The following CEP85L variants were observed in gnomAD, a reference collection of about 807,000 sequenced individuals.
CEP85L encodes centrosomal protein 85L.
In CEP85L, 60 loss-of-function variants were observed where a neutral mutation model predicts 100.3. The observed-to-expected ratio is 0.60, with a 90% CI of 0.49 to 0.74. The LOEUF is 0.74. CEP85L is among the 30% of genes least tolerant of loss of function. CEP85L has a pLI of 0.00. For synonymous variants in CEP85L, 319 were observed against 322.7 expected, an observed-to-expected ratio of 0.99 and a Z score of 0.12; for missense variants, 973 against 936.2, an observed-to-expected ratio of 1.04 and a Z score of -0.51.
At position 118,465,280 on chromosome 6, in the gene CEP85L, C is replaced by T; in HGVS notation, c.*125G>A. Reference sequence around the variant, plus strand: ...TCTTCACTTCCCTTCTCCCCTTCAACAAAACAAATCCACAGAAAAAAAATC... The same window carrying T: ...TCTTCACTTCCCTTCTCCCCTTCAATAAAACAAATCCACAGAAAAAAAATC... On this transcript the variant is annotated 3_prime_UTR_variant, in exon 13 of 13. Transcript: ENST00000368491. 1 of 843,948 alleles carries T rather than the reference C, an allele frequency of 1.2e-6. No individual in the cohort carries two copies. Among genetic ancestry groups the T allele is most frequent in the South Asian group, 2.5e-5 (1 of 40,710 alleles). The allele number at this position is 843,948 out of a possible 1,614,324, so 52.3% of individuals were successfully genotyped here.
At chr6:118,491,623 G>C in intron 6 of CEP85L, 63 bp downstream of exon 6, 1 of 1,560,266 alleles carries the variant, frequency 6.4e-7, no homozygotes, top group African/African-American at 1.4e-5. Context: ...GTAAATGACA[G>C]ACAAATAATT....
intron 5 of CEP85L, among the ~76,000 whole-genome samples, chr6:118,494,445 C>T (rs1264226004): frequency 1.3e-5 from 2 of 152,136 alleles, no homozygotes; most frequent in African/African-American, 2.4e-5. Flanking sequence ...CAGAGCTTAA[C>T]GTAGTTGGGG....
At chr6:118,607,285 G>C (rs1029985193) in intron 2 of CEP85L, among the ~76,000 whole-genome samples, 1 of 152,170 alleles carries the variant, frequency 6.6e-6, no homozygotes, top group African/African-American at 2.4e-5. Flanking sequence ...GAAAGGAAAA[G>C]TAGAGAAGGA....
intron 2 of CEP85L, chr6:118,589,273 A>G (rs1449275633): frequency 8.7e-6 from 2 of 230,624 alleles, no homozygotes; most frequent in Admixed American, 4.5e-5. Context: ...CCACCCTCCC[A>G]ACTTTCATGT....
At chr6:118,473,157 GT>G (rs1481698934) in intron 10 of CEP85L, among the ~76,000 whole-genome samples, 2 of 152,132 alleles carry the variant, frequency 1.3e-5, no homozygotes, top group African/African-American at 4.8e-5. Context: ...ACACTGTTCT[GT>G]TCATTGAGTG....
chr6:118,506,682 A>G (rs1334729308), intron 5 of CEP85L, among the ~76,000 whole-genome samples: 1 of 152,210 alleles, frequency 6.6e-6, no homozygotes, highest in Non-Finnish European at 1.5e-5. Context: ...ATTGTGTATG[A>G]GCAAATTTGC....
intron 5 of CEP85L, among the ~76,000 whole-genome samples, chr6:118,510,819 T>C (rs903888419): frequency 2.6e-5 from 4 of 152,094 alleles, no homozygotes; most frequent in Non-Finnish European, 5.9e-5. Context: ...CAAATTTTGA[T>C]GAGTAGGGGG....
chr6:118,522,079 G>C (rs192786591), intron 4 of CEP85L, among the ~76,000 whole-genome samples: 12 of 152,186 alleles, frequency 7.9e-5, no homozygotes, highest in African/African-American at 2.6e-4. Flanking sequence ...ATTAATTTCA[G>C]GCCGGGCATG....
In CEP85L at chr6:118,553,809, C is replaced by A. The variant is rs559467083; in HGVS notation, c.1020+11720G>T. ...CTCTGTATTTCACAAATACTAAAAACCCATTTATACAAAGCCTAGTTCAGG... is the reference window on the plus strand; with the variant it reads ...CTCTGTATTTCACAAATACTAAAAAACCATTTATACAAAGCCTAGTTCAGG... On this transcript the variant is annotated intron_variant, in intron 3 of 12. Coordinates refer to ENST00000368491, the MANE Select transcript of CEP85L (RefSeq NM_001042475.3). 2.8e-4 allele frequency among the ~76,000 whole-genome samples: 43 copies of A among 152,186 alleles called. 1 individual carries two copies. The highest frequency in any genetic ancestry group is 8.5e-4 in the Admixed American group (13 of 15,292).
intron 7 of CEP85L, 142 bp downstream of exon 7, chr6:118,483,564 A>G: frequency 1.5e-6 from 1 of 674,582 alleles, no homozygotes. Context: ...ATGCATGCTT[A>G]GATAAACAAA....
rs1027278377 is a variant in CEP85L, at chr6:118,497,818, A to G, written c.1258-5953T>C. On this transcript the variant is annotated intron_variant, in intron 5 of 12. Coordinates refer to ENST00000368491, the MANE Select transcript of CEP85L (RefSeq NM_001042475.3). The stretch of plus-strand genomic sequence containing the variant: ...AGAAAGCAAGAGCATCGGAAAAGGA[A>G]TAAGTGAAGGTAAAAATTTTTAAAG... 5.9e-5 allele frequency among the ~76,000 whole-genome samples: 9 copies of G among 152,366 alleles called. No individual in the cohort carries two copies. The South Asian group carries it at 1.9e-3, about 32-fold the overall frequency.
At chr6:118,505,313 C>T (rs1217363238) in intron 5 of CEP85L, among the ~76,000 whole-genome samples, 1 of 145,176 alleles carries the variant, frequency 6.9e-6, no homozygotes. Context: ...TGGTGACACG[C>T]GCCTGTAATC....
intron 3 of CEP85L, among the ~76,000 whole-genome samples, chr6:118,548,888 T>C (rs1166115619): frequency 6.6e-6 from 1 of 152,070 alleles, no homozygotes; most frequent in Non-Finnish European, 1.5e-5. Context: ...AATATTATCA[T>C]AATTTCATAC....
At chr6:118,637,152 C>T (rs973997511) in intron 1 of CEP85L, among the ~76,000 whole-genome samples, 1 of 152,154 alleles carries the variant, frequency 6.6e-6, no homozygotes, top group African/African-American at 2.4e-5. Flanking sequence ...TGTTATCTAA[C>T]TTTTATACAA....
chr6:118,494,841 A>G (rs887134457), intron 5 of CEP85L, among the ~76,000 whole-genome samples: 1 of 152,222 alleles, frequency 6.6e-6, no homozygotes, highest in Non-Finnish European at 1.5e-5. Flanking sequence ...TCAGACACAG[A>G]GTCAGATATG....
chr6:118,699,940 C>T (rs1450987028), intron 1 of CEP85L, among the ~76,000 whole-genome samples: 1 of 152,174 alleles, frequency 6.6e-6, no homozygotes, highest in Non-Finnish European at 1.5e-5. Context: ...AGTGATCTGC[C>T]CGCCTCAGCC....
At chr6:118,703,506 G>A (rs1161938794) in intron 1 of CEP85L, among the ~76,000 whole-genome samples, 2 of 152,162 alleles carry the variant, frequency 1.3e-5, no homozygotes, top group Non-Finnish European at 2.9e-5. Context: ...TGCCCCACCA[G>A]ATAACTTTTT....
At chr6:118,544,139 A>G (rs1031480749) in intron 3 of CEP85L, among the ~76,000 whole-genome samples, 2 of 152,204 alleles carry the variant, frequency 1.3e-5, no homozygotes, top group African/African-American at 2.4e-5. Flanking sequence ...AAGAAATTTA[A>G]TATGTCTGGA....
intron 3 of CEP85L, among the ~76,000 whole-genome samples, chr6:118,552,884 T>G (rs907438389): frequency 1.3e-5 from 2 of 152,010 alleles, no homozygotes; most frequent in African/African-American, 4.8e-5. Flanking sequence ...ACACCCAAAC[T>G]CCTAACAAGC....
Sources: gnomAD v4.1 joint callset for allele counts (sites outside exome capture counted in the v4.1 genomes callset) on GRCh38, gnomAD v4.1.1 for gene constraint, MANE v1.5 for transcripts, NCBI Gene and HGNC (gene_info 2026-07-23, HGNC 2026-07-21) for gene names.